The following TCF3 variants were observed in gnomAD, a reference collection of about 807,000 sequenced individuals.
TCF3 encodes transcription factor E2-alpha.
A neutral mutation model predicts 72.3 loss-of-function variants in TCF3; 54 were observed. That is an observed-to-expected ratio of 0.75 (90% confidence interval 0.60 to 0.94). The LOEUF (loss-of-function observed/expected upper bound fraction) is 0.94, where lower values mean the gene tolerates loss of function less well. Among genes scored for constraint, TCF3 ranks in the 40% least tolerant of loss-of-function variants. TCF3 has a pLI of 0.00. For missense variants in TCF3, 1,078 were observed against 934.4 expected, an observed-to-expected ratio of 1.15 and a Z score of -2.00; for synonymous variants, 525 against 412.6, an observed-to-expected ratio of 1.27 and a Z score of -3.30.
rs150126274 is a variant in TCF3, at chr19:1,644,695, C to A, written c.145+1660G>T. On this transcript the variant is annotated intron_variant, in intron 3 of 18. Transcript: ENST00000262965. ...AACCCAGAGGGAGCATTCTCAGGTC[C>A]ACACGGCCTACACACCACAGCTCTG... is the stretch of plus-strand genomic sequence containing the variant. Among the ~76,000 whole-genome samples, 580 of 152,190 alleles carry A rather than the reference C, an allele frequency of 3.8e-3. 3 individuals are homozygous for A. Among genetic ancestry groups the A allele is most frequent in the Non-Finnish European group, 6.3e-3 (430 of 67,978 alleles).
chr19:1,611,912 G>T, intron 18 of TCF3, 63 bp from the exon 19 acceptor site: 6 of 682,638 alleles, frequency 8.8e-6, no homozygotes, highest in Non-Finnish European at 1.3e-5. Flanking sequence ...TGTGAGGTGG[G>T]AGTGGGGGGT....
intron 3 of TCF3, among the ~76,000 whole-genome samples, chr19:1,641,514 G>A (rs564289788): frequency 1.5e-4 from 23 of 152,176 alleles, no homozygotes; most frequent in Middle Eastern, 3.4e-3. Flanking sequence ...GTGCAGTGGC[G>A]CAATCTCAGC....
At chr19:1,637,628 G>A (rs2064623068) in intron 3 of TCF3, among the ~76,000 whole-genome samples, 1 of 152,174 alleles carries the variant, frequency 6.6e-6, no homozygotes, top group African/African-American at 2.4e-5. Flanking sequence ...ACCAACCCGG[G>A]GCCGGGCACG....
At chr19:1,641,406 C>G (rs1455246498) in intron 3 of TCF3, among the ~76,000 whole-genome samples, 1 of 152,108 alleles carries the variant, frequency 6.6e-6, no homozygotes, top group Non-Finnish European at 1.5e-5. Context: ...CACTTGAGCT[C>G]ATGAATACAA....
At position 1,612,543 on chromosome 19, in the gene TCF3, C is replaced by T. The variant is rs2061113852; in HGVS notation, c.1823-694G>A. On this transcript the variant is annotated intron_variant, in intron 18 of 18. Transcript: ENST00000262965. The stretch of plus-strand genomic sequence containing the variant: ...CTACTTGTGTTTGTGCTGGTGTGGG[C>T]AGCAGTGTGGGTACACGGCTGGTGT... The T allele has an allele frequency of 4.6e-6, 5 of 1,097,374 alleles. No individual in the cohort carries two copies. In the Admixed American group the frequency reaches 1.0e-4, roughly 23 times the overall value. 68.0% of individuals were successfully genotyped at this position (1,097,374 alleles called of 1,614,324 possible).
At position 1,622,215 on chromosome 19, in the gene TCF3, G is replaced by C. The variant is rs2062325057; in HGVS notation, c.661C>G (p.Leu221Val). Residue 221 changes from leucine to valine, a missense_variant, in exon 10 of 19, where the codon CTG becomes GTG. Physicochemically the swap from Leu to Val is conservative, Grantham distance 32. Coordinates refer to ENST00000262965, the MANE Select transcript of TCF3 (RefSeq NM_003200.5). ...CTCCAGAGCTCGGCTGAGGGGTGCA[G>C]GCTGCCATCTGTGGAGGGGAGCTGG... Reference protein sequence around the residue: ...PAPFYVADGSLHPSAELWSPP... With the variant: ...PAPFYVADGSVHPSAELWSPP... 3.2e-6 allele frequency: 5 copies of C among 1,550,976 alleles called. No homozygotes were observed. Among genetic ancestry groups the C allele is most frequent in the Non-Finnish European group, 4.3e-6 (5 of 1,149,508 alleles).
chr19:1,629,780 C>G (rs901366538), intron 5 of TCF3, among the ~76,000 whole-genome samples: 1 of 152,142 alleles, frequency 6.6e-6, no homozygotes, highest in Admixed American at 6.5e-5. Context: ...ATTCTCAAAG[C>G]AGGAAAAAAA....
chr19:1,627,655 C>T (rs1381456083), intron 5 of TCF3, among the ~76,000 whole-genome samples: 1 of 152,184 alleles, frequency 6.6e-6, no homozygotes. Context: ...ATCTCCTGCC[C>T]AATGACAGGC....
In TCF3 at chr19:1,615,796, C is replaced by A; in HGVS notation, c.1476G>T (p.Ala492=). 6.3e-7 allele frequency: 1 copy of A among 1,575,388 alleles called. No homozygotes were observed. The highest frequency in any genetic ancestry group is 8.6e-7 in the Non-Finnish European group (1 of 1,157,162). ...YSGLGRAGAT[A]AASEIKREEK... ...CCTCCCGCTTGATCTCGCTGGCGGC[C>A]GCCGTGGCACCTGCTCGCCCTAGCC... The change falls in exon 17 of 19, where the codon GCG becomes GCT. Residue 492 remains alanine, a synonymous_variant. Transcript: ENST00000262965. This position sits in a 1 kb window ranked among gnomAD's most constrained non-coding sequence, Gnocchi z 7.3.
In TCF3 at chr19:1,623,951, C is replaced by G. The variant is rs1172077043; in HGVS notation, c.549G>C (p.Ser183=). The change falls in exon 8 of 19, where the codon TCG becomes TCC. Residue 183 remains serine (S), a splice_region_variant and synonymous_variant. Transcript: ENST00000262965. ...GTCCCTTCTCCCTCGTGCGACTCAC[C>G]GAGGATGGAAGACCCGGCGGGACCT... ...VRKVPPGLPS[S]VYPPSSGEDY... 2 of 1,613,340 alleles carry G rather than the reference C, an allele frequency of 1.2e-6. No homozygotes were observed. Among genetic ancestry groups the G allele is most frequent in the African/African-American group, 2.7e-5 (2 of 74,918 alleles).
intron 3 of TCF3, among the ~76,000 whole-genome samples, chr19:1,645,553 T>C (rs940240868): frequency 2.6e-5 from 4 of 152,298 alleles, no homozygotes; most frequent in Admixed American, 6.5e-5. Context: ...CCTCCCCTCA[T>C]GCTCCCACGG....
rs141181374 is a variant in TCF3, at chr19:1,611,280, T to A, written c.*427A>T. 3.0e-6 allele frequency: 1 copy of A among 338,558 alleles called. No homozygotes were observed. Among genetic ancestry groups the A allele is most frequent in the Admixed American group, 4.8e-5 (1 of 20,832 alleles). 21.0% of individuals were successfully genotyped at this position (338,558 alleles called of 1,614,324 possible). A position where few individuals can be genotyped will look rare whatever the true frequency, so the allele number is the denominator to read the frequency against. ...TCCACAGCATCCCCCTTGAGTGATA[T>A]GTTTCCATTTCTCCGCTTTTTATAG... On this transcript the variant is annotated 3_prime_UTR_variant, in exon 19 of 19. Coordinates refer to ENST00000262965, the MANE Select transcript of TCF3 (RefSeq NM_003200.5).
At chr19:1,616,894 C>A (rs2061603503) in intron 16 of TCF3, among the ~76,000 whole-genome samples, 1 of 152,102 alleles carries the variant, frequency 6.6e-6, no homozygotes, top group Non-Finnish European at 1.5e-5. Context: ...AGACACCCAC[C>A]ACAGATGTAG....
At chr19:1,612,501 G>A (rs1049584838) in intron 18 of TCF3, 6 of 1,423,402 alleles carry the variant, frequency 4.2e-6, no homozygotes, top group African/African-American at 1.4e-5. Context: ...GGGCTGGGTT[G>A]TGGAGAGGGT....
intron 3 of TCF3, among the ~76,000 whole-genome samples, chr19:1,640,428 A>G (rs544148475): frequency 3.7e-4 from 57 of 152,214 alleles, no homozygotes; most frequent in African/African-American, 1.3e-3. Context: ...CAGCTTCTTT[A>G]CCAGTAAAAT....
At chr19:1,646,286 C>G (rs772981676) in intron 3 of TCF3, 69 bp downstream of exon 3, 2 of 1,481,764 alleles carry the variant, frequency 1.3e-6, no homozygotes, top group Non-Finnish European at 1.8e-6. Context: ...CTCCCTCGCC[C>G]GCACACTGTC....
At chr19:1,630,779 G>A (rs2063612233) in intron 5 of TCF3, among the ~76,000 whole-genome samples, 1 of 152,106 alleles carries the variant, frequency 6.6e-6, no homozygotes, top group Non-Finnish European at 1.5e-5. Flanking sequence ...GACCCCTGAG[G>A]CCCTTACCAG....
chr19:1,647,510 C>T (rs1055676786), intron 2 of TCF3, among the ~76,000 whole-genome samples: 3 of 152,188 alleles, frequency 2.0e-5, no homozygotes, highest in Non-Finnish European at 4.4e-5. Context: ...GAAGGGGAAA[C>T]GGAGGCCGCA....
At chr19:1,642,255 T>C (rs1039715097) in intron 3 of TCF3, among the ~76,000 whole-genome samples, 15 of 122,606 alleles carry the variant, frequency 1.2e-4, no homozygotes, top group Admixed American at 2.5e-4. Context: ...CACACACACG[T>C]GCGCACACAC....
Sources: gnomAD v4.1 joint callset for allele counts (sites outside exome capture counted in the v4.1 genomes callset) on GRCh38, gnomAD v4.1.1 for gene constraint, Gnocchi (gnomAD v3.1) non-coding constraint, MANE v1.5 for transcripts, NCBI Gene and HGNC (gene_info 2026-07-23, HGNC 2026-07-21) for gene names.